Variants in NAV3 observed in about 807,000 individuals in gnomAD.
NAV3 encodes the protein pore membrane and/or filament interacting like protein 1.
In NAV3, 87 loss-of-function variants were observed where a neutral mutation model predicts 244.7. The observed-to-expected ratio is 0.36, with a 90% CI of 0.30 to 0.42. The LOEUF is 0.42. NAV3 is among the 20% of genes least tolerant of loss of function. NAV3 has a pLI of 1.00. For missense variants in NAV3, 2,663 were observed against 2,893.3 expected (o/e 0.92, Z 1.83); for synonymous variants, 1,126 against 1,042.2 (o/e 1.08, Z -1.55).
chr12:77,959,519 G>C lies in NAV3; in HGVS notation c.415-6710G>C, dbSNP rs140641668. ...GTATTTTTTGTTGTTGTGAGTTATT[G>C]AATCCCTACTATGTACATTGTATTG... On this transcript the variant is annotated intron_variant, in intron 3 of 39. Transcript: ENST00000397909. 1.4e-3 allele frequency among the ~76,000 whole-genome samples: 210 copies of C among 152,028 alleles called. 1 individual carries two copies. The highest frequency in any genetic ancestry group is 4.8e-3 in the African/African-American group (201 of 41,470).
At chr12:77,678,322 G>T (rs1181366068) in intron 2 of NAV3, among the ~76,000 whole-genome samples, 2 of 151,802 alleles carry the variant, frequency 1.3e-5, no homozygotes, top group Non-Finnish European at 2.9e-5. Context: ...ATTGACTGTT[G>T]TTTTTTTTAA....
intron 2 of NAV3, among the ~76,000 whole-genome samples, chr12:77,707,876 G>A (rs1044322002): frequency 6.6e-6 from 1 of 152,176 alleles, no homozygotes; most frequent in Non-Finnish European, 1.5e-5. Flanking sequence ...AGACGTGTCT[G>A]TTCATACCCT....
chr12:78,068,102 G>GT (rs1374117270), intron 12 of NAV3, among the ~76,000 whole-genome samples: 2 of 151,946 alleles, frequency 1.3e-5, no homozygotes, highest in Non-Finnish European at 2.9e-5. Context: ...TGAGGACCTA[G>GT]TGTGTGTAGC....
chr12:77,607,711 A>G (rs781463680), intron 2 of NAV3, among the ~76,000 whole-genome samples: 1 of 151,918 alleles, frequency 6.6e-6, no homozygotes, highest in Non-Finnish European at 1.5e-5. Flanking sequence ...TTAACCCCAT[A>G]CCATTTCTAT....
chr12:78,153,142 A>G (rs1425364363), intron 22 of NAV3, among the ~76,000 whole-genome samples: 1 of 152,022 alleles, frequency 6.6e-6, no homozygotes, highest in Admixed American at 6.6e-5. Flanking sequence ...GACTCTAAAC[A>G]ATAACTTGTA....
At chr12:77,996,631 G>T (rs1025841199) in intron 6 of NAV3, among the ~76,000 whole-genome samples, 3 of 151,814 alleles carry the variant, frequency 2.0e-5, no homozygotes, top group African/African-American at 7.3e-5. Flanking sequence ...ATTTCCTGAA[G>T]GTGGTTTGAT....
At chr12:77,857,799 G>A (rs1207740729) in intron 1 of NAV3, among the ~76,000 whole-genome samples, 1 of 151,794 alleles carries the variant, frequency 6.6e-6, no homozygotes, top group Non-Finnish European at 1.5e-5. Flanking sequence ...GCATTATACA[G>A]ATTAAAATGG....
chr12:77,859,061 T>G (rs1490570210), intron 1 of NAV3, among the ~76,000 whole-genome samples: 3 of 152,104 alleles, frequency 2.0e-5, no homozygotes, highest in Non-Finnish European at 4.4e-5. Flanking sequence ...ATCCTCACTC[T>G]TATTTTTAAA....
chr12:77,744,384 A>G (rs915377553), intron 2 of NAV3, among the ~76,000 whole-genome samples: 2 of 151,984 alleles, frequency 1.3e-5, no homozygotes, highest in Non-Finnish European at 2.9e-5. Context: ...TTTAATAGAG[A>G]CTATTACTCC....
intron 1 of NAV3, among the ~76,000 whole-genome samples, chr12:77,866,129 T>C (rs7132888): frequency 0.23 from 35,363 of 151,978 alleles, 5,884 homozygotes; most frequent in African/African-American, 0.47. Flanking sequence ...AAAGCAAAAA[T>C]CCCAATCTAC....
At chr12:77,997,261 A>T (rs1241874915) in intron 6 of NAV3, among the ~76,000 whole-genome samples, 1 of 136,482 alleles carries the variant, frequency 7.3e-6, no homozygotes, top group Non-Finnish European at 1.6e-5. Flanking sequence ...AAAAAAAAAA[A>T]GAATGTCAAT....
At chr12:77,784,037 C>T (rs1254243444) in intron 2 of NAV3, among the ~76,000 whole-genome samples, 4 of 152,128 alleles carry the variant, frequency 2.6e-5, no homozygotes, top group African/African-American at 9.7e-5. Flanking sequence ...TATGTAATGA[C>T]TCTGACCTTC....
chr12:78,159,573 G>A (rs996323033), intron 23 of NAV3, among the ~76,000 whole-genome samples: 1 of 152,004 alleles, frequency 6.6e-6, no homozygotes, highest in Non-Finnish European at 1.5e-5. Context: ...GGAGGCTGAG[G>A]CAGGAGAATC....
At chr12:77,675,365 C>A (rs1411218033) in intron 2 of NAV3, among the ~76,000 whole-genome samples, 3 of 152,182 alleles carry the variant, frequency 2.0e-5, no homozygotes, top group Non-Finnish European at 4.4e-5. Flanking sequence ...AACTCTCCAG[C>A]AGGAGCTGAA....
At chr12:77,716,954 G>GT (rs1165530921) in intron 2 of NAV3, among the ~76,000 whole-genome samples, 1 of 151,962 alleles carries the variant, frequency 6.6e-6, no homozygotes, top group African/African-American at 2.4e-5. Flanking sequence ...TTCCTGTAAT[G>GT]TTTTTTATAG....
chr12:78,109,034 G>A (rs1954947496), intron 12 of NAV3, among the ~76,000 whole-genome samples: 1 of 151,612 alleles, frequency 6.6e-6, no homozygotes. Context: ...TATTCAACAA[G>A]ATAAATAAAA....
chr12:77,834,882 GAA>G (rs10546437), intron 1 of NAV3, among the ~76,000 whole-genome samples: 134,128 of 151,620 alleles, frequency 0.88, 59,491 homozygotes, highest in Non-Finnish European at 0.91. Context: ...TAGCTTTTGG[GAA>G]AAAAAAAAAA....
chr12:77,664,157 C>G (rs1428748303), intron 2 of NAV3, among the ~76,000 whole-genome samples: 3 of 152,158 alleles, frequency 2.0e-5, no homozygotes, highest in Non-Finnish European at 2.9e-5. Flanking sequence ...TGGTGAAATA[C>G]TTACATGAAA....
intron 1 of NAV3, among the ~76,000 whole-genome samples, chr12:77,849,086 C>G (rs1877084206): frequency 6.6e-6 from 1 of 152,074 alleles, no homozygotes; most frequent in Admixed American, 6.6e-5. Flanking sequence ...TAGCCATAAT[C>G]TTGGCAATCA....
Sources: gnomAD v4.1 joint callset for allele counts (sites outside exome capture counted in the v4.1 genomes callset) on GRCh38, gnomAD v4.1.1 for gene constraint, MANE v1.5 for transcripts, NCBI Gene and HGNC (gene_info 2026-07-23, HGNC 2026-07-21) for gene names.